Variants in PDGFRL observed in about 807,000 individuals in gnomAD.
PDGFRL encodes platelet derived growth factor receptor like.
PDGFRL carries 46 observed loss-of-function variants against 37.2 expected under a neutral mutation model. The ratio of observed to expected loss-of-function variants is 1.24; its 90% CI spans 0.98 to 1.58. PDGFRL has a LOEUF of 1.58. Among genes scored for constraint, PDGFRL ranks in the 40% most tolerant of loss-of-function variants. The pLI is 0.00. For synonymous variants in PDGFRL, 251 were observed against 184.3 expected, an observed-to-expected ratio of 1.36 and a Z score of -2.93; for missense variants, 692 against 467.6, an observed-to-expected ratio of 1.48 and a Z score of -4.43.
intron 2 of PDGFRL, among the ~76,000 whole-genome samples, chr8:17,598,041 A>T (rs1804090439): frequency 6.6e-6 from 1 of 152,246 alleles, no homozygotes; most frequent in South Asian, 2.1e-4. Flanking sequence ...GTGCATTTAT[A>T]AACATTATTA....
chr8:17,619,595 C>T (rs2720544), intron 2 of PDGFRL, among the ~76,000 whole-genome samples: 79,156 of 152,068 alleles, frequency 0.52, 21,327 homozygotes, highest in Middle Eastern at 0.67. Context: ...AATGCGTTTT[C>T]TTCCTAAAAG....
chr8:17,592,916 GCACA>G (rs140137425), intron 2 of PDGFRL, among the ~76,000 whole-genome samples: 3,726 of 29,492 alleles, frequency 0.13, 119 homozygotes, highest in East Asian at 0.43. Flanking sequence ...CCACATACAT[GCACA>G]CACACACACA....
intron 5 of PDGFRL, among the ~76,000 whole-genome samples, chr8:17,634,981 T>A (rs115353151): frequency 2.4e-5 from 3 of 124,902 alleles, no homozygotes; most frequent in Non-Finnish European, 3.3e-5. Context: ...AGGTTTTTTT[T>A]TAAAAAAAAG....
chr8:17,616,510 T>G (rs896400823), intron 2 of PDGFRL, among the ~76,000 whole-genome samples: 6 of 152,200 alleles, frequency 3.9e-5, no homozygotes, highest in Non-Finnish European at 7.3e-5. Context: ...CATGATTTTA[T>G]GCCTTTCACC....
rs545840695 is a variant in PDGFRL, at chr8:17,629,368, C to T, written c.799+588C>T. ...CTTCCATCGTTCACTCTGGTGCTGC[C>T]TCTGTGTTGGATCAGGTCTTCTATG... On this transcript the variant is annotated intron_variant, in intron 4 of 5. Coordinates refer to ENST00000251630, the MANE Select transcript of PDGFRL (RefSeq NM_001372073.1). 4.3e-4 allele frequency among the ~76,000 whole-genome samples: 62 copies of T among 144,922 alleles called. 1 individual carries two copies. Among genetic ancestry groups the T allele is most frequent in the African/African-American group, 1.6e-3 (60 of 36,488 alleles).
rs770779669 is a variant in PDGFRL, at chr8:17,590,236, C to CAAAAAAA, written c.353+485_353+491dup. Among the ~76,000 whole-genome samples the CAAAAAAA allele has an allele frequency of 6.3e-3, 224 of 35,582 alleles. 18 individuals are homozygous for CAAAAAAA. Among genetic ancestry groups the CAAAAAAA allele is most frequent in the East Asian group, 0.015 (4 of 260 alleles). 23.3% of individuals were successfully genotyped at this position (35,582 alleles called of 152,430 possible). The stretch of plus-strand genomic sequence containing the variant: ...GGTGACAGAGAGCGAGACTCCATCT[C>CAAAAAAA]AAAAAAAAAAAAAAAAAAAATTGCA... On this transcript the variant is annotated intron_variant, in intron 2 of 5. Coordinates refer to ENST00000251630, the MANE Select transcript of PDGFRL (RefSeq NM_001372073.1).
At chr8:17,581,186 C>T (rs1199032412) in intron 1 of PDGFRL, among the ~76,000 whole-genome samples, 7 of 151,976 alleles carry the variant, frequency 4.6e-5, no homozygotes, top group East Asian at 1.9e-4. Context: ...GTGAGGATGC[C>T]GTTTGAATGG....
chr8:17,609,313 C>A (rs1804353188), intron 2 of PDGFRL, among the ~76,000 whole-genome samples: 1 of 152,020 alleles, frequency 6.6e-6, no homozygotes, highest in Admixed American at 6.6e-5. Flanking sequence ...TCAAGACCAG[C>A]CTGGCCAACA....
intron 1 of PDGFRL, among the ~76,000 whole-genome samples, chr8:17,588,575 A>G (rs1204823891): frequency 3.3e-5 from 5 of 152,138 alleles, no homozygotes; most frequent in Non-Finnish European, 7.3e-5. Context: ...CAGGAGGCTG[A>G]GGCAGGAGGA....
intron 2 of PDGFRL, among the ~76,000 whole-genome samples, chr8:17,599,126 TTC>T (rs999189561): frequency 3.3e-5 from 5 of 152,138 alleles, no homozygotes; most frequent in African/African-American, 1.2e-4. Flanking sequence ...ATGTCTTTAC[TTC>T]TCTCTCTCTT....
intron 2 of PDGFRL, among the ~76,000 whole-genome samples, chr8:17,596,556 A>T (rs1429205511): frequency 6.6e-6 from 1 of 152,246 alleles, no homozygotes; most frequent in Admixed American, 6.5e-5. Context: ...TTCTAAGAGT[A>T]TTTTCAAATA....
At chr8:17,593,986 C>T (rs1229191761) in intron 2 of PDGFRL, among the ~76,000 whole-genome samples, 3 of 152,112 alleles carry the variant, frequency 2.0e-5, no homozygotes, top group African/African-American at 7.2e-5. Flanking sequence ...AGACCGTTTT[C>T]ATCTTGCATG....
intron 1 of PDGFRL, among the ~76,000 whole-genome samples, chr8:17,578,953 A>G (rs920822591): frequency 5.9e-5 from 9 of 152,240 alleles, no homozygotes; most frequent in African/African-American, 1.9e-4. Context: ...TAATCCCAGC[A>G]CTTTGGGAGG....
rs137932585 is a variant in PDGFRL at position 17,594,119 on chromosome 8, A to ATT, written c.353+4356_353+4357dup. Among the ~76,000 whole-genome samples the ATT allele has an allele frequency of 7.9e-4, 118 of 149,102 alleles. 1 individual carries two copies. The highest frequency in any genetic ancestry group is 3.5e-3 in the Middle Eastern group (1 of 286). On this transcript the variant is annotated intron_variant, in intron 2 of 5. Transcript: ENST00000251630. ...CCCATATAAATGGAACATGCAGCGTATTTGTTTTTTTTGTTACTGACGTAT... is the reference window on the plus strand; with the variant it reads ...CCCATATAAATGGAACATGCAGCGTATTTTTGTTTTTTTTGTTACTGACGTAT...
At chr8:17,621,827 T>A (rs1804641057) in intron 3 of PDGFRL, among the ~76,000 whole-genome samples, 1 of 152,122 alleles carries the variant, frequency 6.6e-6, no homozygotes, top group South Asian at 2.1e-4. Flanking sequence ...ATTTGTCCTT[T>A]TTATTATTTT....
chr8:17,579,970 A>C (rs181057725), intron 1 of PDGFRL, among the ~76,000 whole-genome samples: 1 of 152,336 alleles, frequency 6.6e-6, no homozygotes, highest in East Asian at 1.9e-4. Flanking sequence ...GAGTTTATTA[A>C]TAGGGTGCTT....
chr8:17,637,965 G>A (rs1213898740), intron 5 of PDGFRL, among the ~76,000 whole-genome samples: 1 of 151,868 alleles, frequency 6.6e-6, no homozygotes, highest in Non-Finnish European at 1.5e-5. Flanking sequence ...GGTTAATTTT[G>A]TTAATAGTCT....
chr8:17,627,913 T>C (rs1201921532), intron 3 of PDGFRL, among the ~76,000 whole-genome samples: 1 of 151,956 alleles, frequency 6.6e-6, no homozygotes, highest in Non-Finnish European at 1.5e-5. Context: ...TTAAATCTTG[T>C]TCCTTGCTTC....
chr8:17,587,335 C>T (rs1803839031), intron 1 of PDGFRL, among the ~76,000 whole-genome samples: 1 of 152,114 alleles, frequency 6.6e-6, no homozygotes, highest in Admixed American at 6.5e-5. Flanking sequence ...GATGTGATAG[C>T]TTAGAAGGAT....
Sources: allele counts gnomAD v4.1 joint callset (sites outside exome capture counted in the v4.1 genomes callset), GRCh38; gene constraint gnomAD v4.1.1; transcripts MANE v1.5; gene names NCBI Gene and HGNC (gene_info 2026-07-23, HGNC 2026-07-21).